The following CEP112 variants were observed in gnomAD, a reference collection of about 807,000 sequenced individuals.
The protein encoded by CEP112 is centrosomal protein 112, also known as centrosomal protein of 112 kDa.
A neutral mutation model predicts 153.0 loss-of-function variants in CEP112; 127 were observed. That is an observed-to-expected ratio of 0.83 (90% confidence interval 0.72 to 0.96). The LOEUF is 0.96. Ranked by LOEUF, CEP112 falls within the 40% of genes least tolerant of loss-of-function variation. The pLI, the probability that CEP112 is intolerant of heterozygous loss-of-function variation, is 0.00. For missense variants in CEP112, 1,089 were observed against 1,101.2 expected (o/e 0.99, Z 0.16); for synonymous variants, 358 against 374.4 (o/e 0.96, Z 0.51).
chr17:65,921,485 A>AT (rs2060726261), intron 19 of CEP112, among the ~76,000 whole-genome samples: 1 of 152,172 alleles, frequency 6.6e-6, no homozygotes, highest in Admixed American at 6.5e-5. Flanking sequence ...ATCAATAAAT[A>AT]TTCTCCTAAA....
intron 24 of CEP112, among the ~76,000 whole-genome samples, chr17:65,660,285 TCCTC>T (rs1009140298): frequency 1.4e-4 from 20 of 146,466 alleles, no homozygotes; most frequent in African/African-American, 4.3e-4. Context: ...CTTCCTTCCT[TCCTC>T]CCTCCTTCTC....
chr17:65,665,238 G>A (rs993342532), intron 24 of CEP112, among the ~76,000 whole-genome samples: 4 of 152,072 alleles, frequency 2.6e-5, no homozygotes, highest in Admixed American at 6.5e-5. Flanking sequence ...CTTTCCATTG[G>A]CAAGCCTAGC....
intron 21 of CEP112, among the ~76,000 whole-genome samples, chr17:65,787,269 CAGG>C (rs1257198923): frequency 6.6e-6 from 1 of 152,160 alleles, no homozygotes; most frequent in Non-Finnish European, 1.5e-5. Flanking sequence ...TGCGTGAAGC[CAGG>C]AGTTCAAGGT....
chr17:65,808,195 G>A (rs986646181), intron 21 of CEP112, among the ~76,000 whole-genome samples: 4 of 152,316 alleles, frequency 2.6e-5, no homozygotes, highest in African/African-American at 9.6e-5. Context: ...ACTTGCGTGG[G>A]TCCTCTAGCC....
Position 65,986,728 on chromosome 17 carries a change from T to C in CEP112, c.1736+18962A>G, listed in dbSNP as rs535259099. Reference sequence around the variant, plus strand: ...TTATAATATAAGTTATAAAAAGATATATCACTAGTAAAGCAGAGTTTCTAC... The same window carrying C: ...TTATAATATAAGTTATAAAAAGATACATCACTAGTAAAGCAGAGTTTCTAC... On this transcript the variant is annotated intron_variant, in intron 17 of 26. Coordinates refer to ENST00000535342, the MANE Select transcript of CEP112 (RefSeq NM_001199165.4). Among the ~76,000 whole-genome samples the C allele has an allele frequency of 2.0e-5, 3 of 152,204 alleles. No homozygotes were observed. In the East Asian group the frequency reaches 5.8e-4, roughly 29 times the overall value.
intron 17 of CEP112, among the ~76,000 whole-genome samples, chr17:65,993,835 C>T (rs1352580385): frequency 6.6e-6 from 1 of 151,792 alleles, no homozygotes; most frequent in Non-Finnish European, 1.5e-5. Context: ...GGGGCAGTGA[C>T]GGTTAGGGGC....
At chr17:66,029,510 A>G (rs1344354590) in intron 13 of CEP112, among the ~76,000 whole-genome samples, 1 of 152,078 alleles carries the variant, frequency 6.6e-6, no homozygotes, top group Non-Finnish European at 1.5e-5. Context: ...CAGCCTGGGC[A>G]ACAGAGTGAG....
chr17:66,041,147 T>C (rs1032475676), intron 12 of CEP112, among the ~76,000 whole-genome samples: 2 of 151,632 alleles, frequency 1.3e-5, no homozygotes, highest in Admixed American at 1.3e-4. Context: ...TATTATCCTA[T>C]ATTACTAGTC....
intron 23 of CEP112, among the ~76,000 whole-genome samples, chr17:65,700,055 G>A (rs1244877730): frequency 6.6e-6 from 1 of 151,868 alleles, no homozygotes; most frequent in East Asian, 1.9e-4. Flanking sequence ...ACCATGTCAT[G>A]CTGTCCTCCT....
intron 20 of CEP112, among the ~76,000 whole-genome samples, chr17:65,859,886 T>C (rs551651966): frequency 1.3e-3 from 185 of 147,820 alleles, no homozygotes; most frequent in African/African-American, 4.4e-3. Context: ...CTGGGTGTGG[T>C]GGCGGGCGCC....
Position 66,086,370 on chromosome 17 carries a change from A to ATTTTC in CEP112, c.768+9876_768+9880dup, listed in dbSNP as rs1568474653. On this transcript the variant is annotated intron_variant, in intron 8 of 26. Coordinates refer to ENST00000535342, the MANE Select transcript of CEP112 (RefSeq NM_001199165.4). ...AGGGATTTAAGCAAGTAGACATAAG[A>ATTTTC]TTTTCTTTTCTTTTTTTTTTTTTTT... 2.2e-3 allele frequency among the ~76,000 whole-genome samples: 296 copies of ATTTTC among 131,756 alleles called. 2 individuals are homozygous for ATTTTC. Among genetic ancestry groups the ATTTTC allele is most frequent in the African/African-American group, 8.2e-3 (286 of 34,898 alleles). 86.4% of individuals were successfully genotyped at this position (131,756 alleles called of 152,430 possible). A position where few individuals can be genotyped will look rare whatever the true frequency, so the allele number is the denominator to read the frequency against.
At chr17:66,112,593 T>C in intron 6 of CEP112, among the ~76,000 whole-genome samples, 1 of 152,118 alleles carries the variant, frequency 6.6e-6, no homozygotes, top group East Asian at 1.9e-4. Context: ...ATTATTAAGA[T>C]AATAATACAA....
rs569643291 is a variant in CEP112 at position 65,907,218 on chromosome 17, A to G, written c.1981-4884T>C. The stretch of plus-strand genomic sequence containing the variant: ...TACTCTAGTAGTAATGTACTTTCAC[A>G]GTAACTTTCTAAACAGAGACATTTG... On this transcript the variant is annotated intron_variant, in intron 19 of 26. Transcript: ENST00000535342. 3.3e-5 allele frequency among the ~76,000 whole-genome samples: 5 copies of G among 152,334 alleles called. 1 individual carries two copies. In the South Asian group the frequency reaches 8.3e-4, roughly 25 times the overall value.
intron 4 of CEP112, among the ~76,000 whole-genome samples, chr17:66,171,863 A>G (rs958138626): frequency 2.6e-5 from 4 of 152,196 alleles, no homozygotes; most frequent in African/African-American, 9.6e-5. Context: ...TGATTCTGAC[A>G]TTTGACAGAG....
At chr17:65,934,617 C>T (rs960871769) in intron 18 of CEP112, among the ~76,000 whole-genome samples, 9 of 152,194 alleles carry the variant, frequency 5.9e-5, no homozygotes, top group Admixed American at 5.2e-4. Flanking sequence ...ATAAACAAAA[C>T]TCAACTACAT....
intron 4 of CEP112, among the ~76,000 whole-genome samples, chr17:66,148,564 C>T (rs993764269): frequency 6.6e-6 from 1 of 152,038 alleles, no homozygotes; most frequent in African/African-American, 2.4e-5. Context: ...GTGTACAAGT[C>T]CTTCACCTCC....
At chr17:66,079,936 T>G (rs150994457) in intron 8 of CEP112, among the ~76,000 whole-genome samples, 2 of 152,074 alleles carry the variant, frequency 1.3e-5, no homozygotes, top group Non-Finnish European at 2.9e-5. Flanking sequence ...TAAATGGTGT[T>G]GGGAAAACTG....
intron 26 of CEP112, 71 bp from the exon 27 acceptor site, chr17:65,636,045 A>T: frequency 1.3e-6 from 2 of 1,484,670 alleles, no homozygotes; most frequent in South Asian, 2.4e-5. Flanking sequence ...AATAAGCTTC[A>T]ATTCTGGAGA....
intron 23 of CEP112, among the ~76,000 whole-genome samples, chr17:65,727,629 A>T (rs952884748): frequency 3.9e-5 from 6 of 152,240 alleles, no homozygotes; most frequent in Non-Finnish European, 8.8e-5. Flanking sequence ...GGAAACAGAA[A>T]GACTGGAGGT....
Sources: allele counts gnomAD v4.1 joint callset (sites outside exome capture counted in the v4.1 genomes callset), GRCh38; gene constraint gnomAD v4.1.1; transcripts MANE v1.5; gene names NCBI Gene and HGNC (gene_info 2026-07-23, HGNC 2026-07-21).